Variants in LNPK observed in about 807,000 individuals in gnomAD.
LNPK encodes the protein endoplasmic reticulum junction formation protein lunapark.
In LNPK, 29 loss-of-function variants were observed where a neutral mutation model predicts 55.2. The ratio of observed to expected loss-of-function variants is 0.53; its 90% CI spans 0.39 to 0.72. The LOEUF is 0.72. LNPK is among the 30% of genes least tolerant of loss of function. The pLI, the probability that LNPK is intolerant of heterozygous loss-of-function variation, is 0.00. For missense variants in LNPK, 467 were observed against 494.8 expected (o/e 0.94, Z 0.53); for synonymous variants, 162 against 168.2 (o/e 0.96, Z 0.29).
At chr2:175,991,496 C>T (rs955078236) in intron 4 of LNPK, among the ~76,000 whole-genome samples, 18 of 152,120 alleles carry the variant, frequency 1.2e-4, no homozygotes, top group Admixed American at 1.3e-4. Flanking sequence ...ACTAAACAAA[C>T]ACATTTTTTT....
chr2:175,970,872 C>G, intron 5 of LNPK, 68 bp from the exon 6 acceptor site: 1 of 1,277,926 alleles, frequency 7.8e-7, no homozygotes, highest in Non-Finnish European at 1.0e-6. Context: ...CCAAATGACA[C>G]ACGGTAGCAA....
At chr2:175,982,143 TA>T (rs1687201767) in intron 4 of LNPK, among the ~76,000 whole-genome samples, 1 of 151,890 alleles carries the variant, frequency 6.6e-6, no homozygotes, top group African/African-American at 2.4e-5. Flanking sequence ...TCCGCAATAA[TA>T]AAAAAGTCTC....
chr2:175,959,257 C>T (rs1229452902), intron 8 of LNPK, among the ~76,000 whole-genome samples: 3 of 152,086 alleles, frequency 2.0e-5, no homozygotes, highest in Non-Finnish European at 2.9e-5. Context: ...CCCCAAGACA[C>T]GTAATTGTCA....
At chr2:175,944,877 T>C (rs4369827) in intron 9 of LNPK, among the ~76,000 whole-genome samples, 50,256 of 151,798 alleles carry the variant, frequency 0.33, 8,925 homozygotes, top group South Asian at 0.51. Flanking sequence ...TTATAGCTAT[T>C]AGTAAATAAA....
At chr2:175,973,456 T>C (rs74389933) in intron 5 of LNPK, among the ~76,000 whole-genome samples, 16,886 of 152,228 alleles carry the variant, frequency 0.11, 1,099 homozygotes, top group East Asian at 0.23. Context: ...GTACCTGTTG[T>C]TGAATAATAC....
intron 4 of LNPK, among the ~76,000 whole-genome samples, chr2:175,989,569 C>A (rs1687593549): frequency 6.6e-6 from 1 of 152,096 alleles, no homozygotes; most frequent in Non-Finnish European, 1.5e-5. Context: ...TGGTTGCTGA[C>A]TTAGAAAATG....
At chr2:175,931,936 G>A (rs983851425) in intron 12 of LNPK, among the ~76,000 whole-genome samples, 9 of 152,204 alleles carry the variant, frequency 5.9e-5, no homozygotes, top group South Asian at 2.1e-4. Flanking sequence ...AATGTTAAGC[G>A]TCATGGTTTT....
Position 175,972,102 on chromosome 2 carries a change from G to T in LNPK, c.317-1298C>A, listed in dbSNP as rs114258741. Among the ~76,000 whole-genome samples, 1,186 of 152,184 alleles carry T rather than the reference G, an allele frequency of 7.8e-3. 11 individuals are homozygous for T. Among genetic ancestry groups the T allele is most frequent in the Non-Finnish European group, 0.012 (835 of 68,004 alleles). On this transcript the variant is annotated intron_variant, in intron 5 of 12. Transcript: ENST00000272748. ...AGCTAATTTTTGTATTTTTAGTACG[G>T]ACAGGGTTTCTCCATGTTGGCCAGG... is the stretch of plus-strand genomic sequence containing the variant.
intron 12 of LNPK, among the ~76,000 whole-genome samples, chr2:175,933,368 A>C (rs1239453327): frequency 1.3e-5 from 2 of 152,214 alleles, no homozygotes; most frequent in Non-Finnish European, 2.9e-5. Context: ...ATTTCTTAAG[A>C]AAATTAAATA....
chr2:175,931,861 C>T (rs1006771053), intron 12 of LNPK, among the ~76,000 whole-genome samples: 20 of 152,130 alleles, frequency 1.3e-4, no homozygotes, highest in African/African-American at 4.3e-4. Context: ...ACAAGTTATC[C>T]GTGGAAAACT....
intron 10 of LNPK, 156 bp from the exon 11 acceptor site, chr2:175,938,539 TAAATA>T (rs1684663119): frequency 7.2e-6 from 3 of 415,050 alleles, no homozygotes; most frequent in Non-Finnish European, 1.3e-5. Context: ...CAATATTCAT[TAAATA>T]AAAGCCAAAA....
At chr2:175,981,272 A>G (rs1027163828) in intron 4 of LNPK, among the ~76,000 whole-genome samples, 1 of 152,198 alleles carries the variant, frequency 6.6e-6, no homozygotes, top group African/African-American at 2.4e-5. Context: ...CCTGGATTAC[A>G]AGCTCTGTGA....
chr2:175,968,877 G>A (rs1224900484), intron 6 of LNPK, among the ~76,000 whole-genome samples: 1 of 152,104 alleles, frequency 6.6e-6, no homozygotes, highest in African/African-American at 2.4e-5. Context: ...AATTAGCCAG[G>A]TGTGGTGGTG....
chr2:175,974,646 C>A (rs1686819432), intron 5 of LNPK, among the ~76,000 whole-genome samples: 1 of 152,146 alleles, frequency 6.6e-6, no homozygotes, highest in African/African-American at 2.4e-5. Context: ...CAGGACTTGG[C>A]TTCCAGGCTG....
At chr2:175,956,792 G>T (rs1026122910) in intron 8 of LNPK, among the ~76,000 whole-genome samples, 1 of 151,344 alleles carries the variant, frequency 6.6e-6, no homozygotes. Flanking sequence ...ATAATGGCTC[G>T]CCTACAAACA....
intron 5 of LNPK, among the ~76,000 whole-genome samples, chr2:175,978,452 A>G (rs1046841746): frequency 1.3e-5 from 2 of 152,142 alleles, no homozygotes; most frequent in Non-Finnish European, 2.9e-5. Context: ...GTGACCAGGT[A>G]GATTTTGTAA....
Position 175,929,975 on chromosome 2 carries a change from C to T in LNPK, c.1279G>A (p.Ala427Thr). ...GCACGTGGAAGCATTTACTACTCTG[C>T]CGTCAAAGATTCTCCACTTAGTTCA... Reference protein sequence around the residue: ...DPELSGESLTAE With the variant: ...DPELSGESLTTE Residue 427 changes from alanine to threonine, a missense_variant, in exon 13 of 13, where the codon GCA becomes ACA. By Grantham distance (58) the Ala-to-Thr change is moderately conservative. Transcript: ENST00000272748. The T allele has an allele frequency of 6.2e-7, 1 of 1,613,878 alleles. No homozygotes were observed. The highest frequency in any genetic ancestry group is 1.1e-5 in the South Asian group (1 of 91,054).
intron 9 of LNPK, among the ~76,000 whole-genome samples, chr2:175,943,090 C>A (rs12618574): frequency 1.3e-5 from 2 of 151,356 alleles, no homozygotes; most frequent in African/African-American, 2.4e-5. Context: ...GAAAGACTAC[C>A]AAACTACCGA....
chr2:175,987,803 C>T (rs1687499241), intron 4 of LNPK, among the ~76,000 whole-genome samples: 1 of 152,100 alleles, frequency 6.6e-6, no homozygotes, highest in Admixed American at 6.5e-5. Context: ...AATATTACTA[C>T]AGCATGAATT....
Sources: allele counts gnomAD v4.1 joint callset (sites outside exome capture counted in the v4.1 genomes callset), GRCh38; gene constraint gnomAD v4.1.1; transcripts MANE v1.5; gene names NCBI Gene and HGNC (gene_info 2026-07-23, HGNC 2026-07-21).